The following CCDC141 variants were observed in gnomAD, a reference collection of about 807,000 sequenced individuals.
The protein encoded by CCDC141 is coiled-coil domain-containing protein 141.
CCDC141 carries 168 observed loss-of-function variants against 181.0 expected under a neutral mutation model. The observed-to-expected ratio is 0.93, with a 90% CI of 0.82 to 1.05. The LOEUF (loss-of-function observed/expected upper bound fraction) is 1.05. CCDC141 is among the 50% of genes least tolerant of loss of function. The pLI is 0.00. For synonymous variants in CCDC141, 666 were observed against 642.3 expected, an observed-to-expected ratio of 1.04 and a Z score of -0.56; for missense variants, 1,902 against 1,788.5, an observed-to-expected ratio of 1.06 and a Z score of -1.14.
At chr2:178,997,187 C>T (rs984711321) in intron 2 of CCDC141, among the ~76,000 whole-genome samples, 2 of 152,100 alleles carry the variant, frequency 1.3e-5, no homozygotes, top group Admixed American at 6.6e-5. Context: ...CTTCTTCAGC[C>T]TTGGTAAAGG....
chr2:178,863,068 C>T (rs1466651874), intron 17 of CCDC141, among the ~76,000 whole-genome samples: 2 of 152,116 alleles, frequency 1.3e-5, no homozygotes, highest in Non-Finnish European at 2.9e-5. Context: ...TTGAATGGCA[C>T]TGAAATATTA....
chr2:178,914,440 A>G (rs1688352632), intron 7 of CCDC141, among the ~76,000 whole-genome samples: 1 of 152,144 alleles, frequency 6.6e-6, no homozygotes. Context: ...ATGCTGTCTC[A>G]ACATCGCCAC....
rs75432350 is a variant in CCDC141 at position 178,894,514 on chromosome 2, A to T, written c.1266-5846T>A. ...AATGCCTGAGATCATCAGAGAGATT[A>T]AAAAAACCCAACACCCACAATAAAA... On this transcript the variant is annotated intron_variant, in intron 8 of 23. Transcript: ENST00000443758. Among the ~76,000 whole-genome samples, 547 of 152,244 alleles carry T rather than the reference A, an allele frequency of 3.6e-3. 4 individuals are homozygous for T. Among genetic ancestry groups the T allele is most frequent in the African/African-American group, 0.012 (487 of 41,564 alleles).
At chr2:178,938,879 G>C (rs1689397055) in intron 6 of CCDC141, among the ~76,000 whole-genome samples, 1 of 152,108 alleles carries the variant, frequency 6.6e-6, no homozygotes, top group South Asian at 2.1e-4. Flanking sequence ...ACCAAGTATA[G>C]CCTTATAGTC....
chr2:178,920,981 G>T (rs1292205518), intron 6 of CCDC141, among the ~76,000 whole-genome samples: 1 of 151,976 alleles, frequency 6.6e-6, no homozygotes. Context: ...TTCTAGTATT[G>T]ACATAGGTTC....
At chr2:178,995,075 A>G (rs1022083099) in intron 2 of CCDC141, among the ~76,000 whole-genome samples, 14 of 152,106 alleles carry the variant, frequency 9.2e-5, no homozygotes, top group African/African-American at 3.1e-4. Flanking sequence ...ACCCCTGTCT[A>G]TTACCCAGTT....
chr2:178,999,183 T>G (rs1350129726), intron 2 of CCDC141, among the ~76,000 whole-genome samples: 11 of 152,110 alleles, frequency 7.2e-5, no homozygotes, highest in Non-Finnish European at 1.6e-4. Flanking sequence ...ATTCAAACCA[T>G]CTACAAATAG....
chr2:178,842,228 C>T (rs1684755799), intron 22 of CCDC141, among the ~76,000 whole-genome samples: 1 of 152,170 alleles, frequency 6.6e-6, no homozygotes, highest in African/African-American at 2.4e-5. Flanking sequence ...AACTCTCAAT[C>T]TGCTTTTCTT....
chr2:179,044,142 C>G (rs762646833), intron 2 of CCDC141, among the ~76,000 whole-genome samples: 1 of 152,012 alleles, frequency 6.6e-6, no homozygotes, highest in Non-Finnish European at 1.5e-5. Flanking sequence ...AACCACTGCT[C>G]GAAGAAATCA....
At chr2:178,847,709 T>C (rs546949828) in intron 21 of CCDC141, among the ~76,000 whole-genome samples, 2 of 152,196 alleles carry the variant, frequency 1.3e-5, no homozygotes, top group African/African-American at 4.8e-5. Context: ...GGGATTATAC[T>C]AGTGTTATAG....
chr2:178,943,535 A>T (rs868576700), intron 6 of CCDC141, among the ~76,000 whole-genome samples: 9 of 152,166 alleles, frequency 5.9e-5, no homozygotes, highest in South Asian at 2.1e-4. Context: ...TGACTTGTCT[A>T]GCCTGTATTC....
At chr2:178,923,355 C>T (rs1361916207) in intron 6 of CCDC141, among the ~76,000 whole-genome samples, 1 of 152,086 alleles carries the variant, frequency 6.6e-6, no homozygotes, top group Non-Finnish European at 1.5e-5. Flanking sequence ...CCGCCCGCCT[C>T]GGCCTCCCAA....
rs1170150460 is a variant in CCDC141 at position 178,872,219 on chromosome 2, G to A, written c.1993C>T (p.Leu665Phe). Reference protein sequence around the residue: ...NQKAEREELSLLRLAWQLKAT... With the variant: ...NQKAEREELSFLRLAWQLKAT... ...TTAAGCTGCCATGCCAGCCGAAGGAGGCTAAGTTCTTCCCGTTCTGCTTTC... is the reference window on the plus strand; with the variant it reads ...TTAAGCTGCCATGCCAGCCGAAGGAAGCTAAGTTCTTCCCGTTCTGCTTTC... The change falls in exon 13 of 24, where the codon CTC becomes TTC. Residue 665 changes from leucine (L) to phenylalanine (F), a missense_variant. Transcript: ENST00000443758. 6.2e-7 allele frequency: 1 copy of A among 1,614,004 alleles called. No individual in the cohort carries two copies. The highest frequency in any genetic ancestry group is 1.1e-5 in the South Asian group (1 of 91,074).
intron 12 of CCDC141, chr2:178,873,111 A>G (rs1384626472): frequency 6.6e-6 from 1 of 152,214 alleles, no homozygotes; most frequent in Non-Finnish European, 1.5e-5. Context: ...TTTTTACTTT[A>G]ATAGCCAGGC....
chr2:178,982,555 G>C (rs539678117), intron 2 of CCDC141, among the ~76,000 whole-genome samples: 1 of 152,192 alleles, frequency 6.6e-6, no homozygotes. Flanking sequence ...CTGAGGTACC[G>C]GGTTCATCTC....
intron 6 of CCDC141, among the ~76,000 whole-genome samples, chr2:178,938,214 C>T (rs950760724): frequency 1.3e-5 from 2 of 151,986 alleles, no homozygotes; most frequent in Non-Finnish European, 2.9e-5. Context: ...GGGGAGAACA[C>T]TAAATGTTGG....
At chr2:178,989,829 TAAAAAAAAAAA>T (rs71023463) in intron 2 of CCDC141, among the ~76,000 whole-genome samples, 10 of 81,398 alleles carry the variant, frequency 1.2e-4, no homozygotes, top group East Asian at 3.5e-4. Context: ...GCTATAATCT[TAAAAAAAAAAA>T]AAAAAAAAAA....
At chr2:179,030,008 AT>A (rs986410474) in intron 2 of CCDC141, among the ~76,000 whole-genome samples, 4 of 152,176 alleles carry the variant, frequency 2.6e-5, no homozygotes, top group Admixed American at 2.6e-4. Flanking sequence ...TATATGTAAT[AT>A]CCAGAGCATG....
intron 21 of CCDC141, among the ~76,000 whole-genome samples, chr2:178,848,669 G>A (rs781614008): frequency 2.0e-5 from 3 of 152,138 alleles, no homozygotes; most frequent in Non-Finnish European, 4.4e-5. Context: ...GATGTGCAAC[G>A]TAAACGGGAG....
Sources: gnomAD v4.1 joint callset for allele counts (sites outside exome capture counted in the v4.1 genomes callset) on GRCh38, gnomAD v4.1.1 for gene constraint, MANE v1.5 for transcripts, NCBI Gene and HGNC (gene_info 2026-07-23, HGNC 2026-07-21) for gene names.